PITPNC1: variants seen among roughly 807,000 people sequenced by gnomAD.
PITPNC1 encodes the protein phosphatidylinositol transfer protein cytoplasmic 1, also known as cytoplasmic phosphatidylinositol transfer protein 1.
In PITPNC1, 18 loss-of-function variants were observed where a neutral mutation model predicts 44.7. The observed-to-expected ratio is 0.40, with a 90% confidence interval of 0.28 to 0.60. The LOEUF is 0.60. Ranked by LOEUF, PITPNC1 falls within the 20% of genes least tolerant of loss-of-function variation. The pLI is 0.39. For missense variants in PITPNC1, 290 were observed against 418.4 expected (o/e 0.69, Z 2.68); for synonymous variants, 141 against 149.6 (o/e 0.94, Z 0.42).
rs138732012 is a variant in PITPNC1 at position 67,688,441 on chromosome 17, A to C, written c.683-4131A>C. On this transcript the variant is annotated intron_variant, in intron 8 of 8. Transcript: ENST00000581322. ...GAAGACCTTCTGATTGCACTTTGGAAATTTTTAGTTAAATTTTTGGAGCAT... is the reference window on the plus strand; with the variant it reads ...GAAGACCTTCTGATTGCACTTTGGACATTTTTAGTTAAATTTTTGGAGCAT... 1.8e-3 allele frequency among the ~76,000 whole-genome samples: 279 copies of C among 151,962 alleles called. 1 individual carries two copies. The highest frequency in any genetic ancestry group is 2.7e-3 in the Non-Finnish European group (184 of 67,982).
intron 1 of PITPNC1, among the ~76,000 whole-genome samples, chr17:67,436,908 GTTTTTTTTTTTTTTT>G (rs1044625193): frequency 4.4e-5 from 3 of 68,418 alleles, no homozygotes; most frequent in African/African-American, 1.7e-4. Context: ...AAATAGGGGT[GTTTTTTTTTTTTTTT>G]TTTTTTTTTT....
At chr17:67,554,823 C>T (rs542140737) in intron 4 of PITPNC1, among the ~76,000 whole-genome samples, 1 of 152,216 alleles carries the variant, frequency 6.6e-6, no homozygotes, top group Non-Finnish European at 1.5e-5. Flanking sequence ...CCACTCACTG[C>T]CAGAATTCCT....
intron 5 of PITPNC1, among the ~76,000 whole-genome samples, chr17:67,619,910 A>C (rs935133690): frequency 6.6e-6 from 1 of 152,094 alleles, no homozygotes; most frequent in Non-Finnish European, 1.5e-5. Flanking sequence ...CCATGTCCTC[A>C]TGAACTCACC....
At chr17:67,648,813 CAGG>C (rs1436157792) in intron 6 of PITPNC1, among the ~76,000 whole-genome samples, 2 of 152,092 alleles carry the variant, frequency 1.3e-5, no homozygotes, top group Non-Finnish European at 2.9e-5. Flanking sequence ...TCCCATGTGA[CAGG>C]AGTAGTATTC....
intron 4 of PITPNC1, among the ~76,000 whole-genome samples, chr17:67,564,921 C>G (rs974753745): frequency 1.1e-4 from 16 of 151,862 alleles, no homozygotes; most frequent in African/African-American, 3.1e-4. Context: ...GAATATTTTC[C>G]CATGTTTTTC....
In PITPNC1 at chr17:67,692,636, C is replaced by A. The variant is rs759738905; in HGVS notation, c.747C>A (p.Ile249=). Residue 249 remains isoleucine (I), a synonymous_variant, in exon 9 of 9, where the codon ATC becomes ATA. Transcript: ENST00000581322. ...CTCAGGAAGCCACCAACAAGAAAATCGGCATTTTCCCACCTGCAATTTCTA... is the reference window on the plus strand; with the variant it reads ...CTCAGGAAGCCACCAACAAGAAAATAGGCATTTTCCCACCTGCAATTTCTA... ...RATQEATNKK[I]GIFPPAISIS... is the part of the protein sequence containing the mutation. The A allele has an allele frequency of 1.9e-6, 3 of 1,613,724 alleles. No individual in the cohort carries two copies. The East Asian group carries it at 6.7e-5, about 36-fold the overall frequency.
chr17:67,485,870 A>G (rs1000929996), intron 1 of PITPNC1, among the ~76,000 whole-genome samples: 4 of 152,228 alleles, frequency 2.6e-5, no homozygotes, highest in African/African-American at 9.6e-5. Flanking sequence ...TAAATGCATT[A>G]GATTAGTCTG....
chr17:67,383,509 AGCCCCATTGGAACCTATTGGAAGGGTG>A (rs1049811201), intron 1 of PITPNC1, among the ~76,000 whole-genome samples: 2 of 152,138 alleles, frequency 1.3e-5, no homozygotes, highest in African/African-American at 2.4e-5. Flanking sequence ...CACATAGGGT[AGCCCCATTGGAACCTATTGGAAGGGTG>A]GCCCACCTCC....
intron 8 of PITPNC1, among the ~76,000 whole-genome samples, chr17:67,680,034 C>T (rs1190289868): frequency 6.6e-6 from 1 of 152,122 alleles, no homozygotes; most frequent in East Asian, 1.9e-4. Flanking sequence ...ACGACACTAC[C>T]TCATGAAAGT....
chr17:67,395,386 C>G (rs2143808954), intron 1 of PITPNC1, among the ~76,000 whole-genome samples: 1 of 152,158 alleles, frequency 6.6e-6, no homozygotes, highest in South Asian at 2.1e-4. Flanking sequence ...TAGCCTCAAG[C>G]AATCCTCCTG....
intron 1 of PITPNC1, among the ~76,000 whole-genome samples, chr17:67,448,343 G>C (rs1232005288): frequency 2.6e-5 from 4 of 152,270 alleles, no homozygotes; most frequent in Non-Finnish European, 5.9e-5. Context: ...GTGTCACTGA[G>C]TGTGTGGATG....
At chr17:67,594,994 G>A (rs919248568) in intron 5 of PITPNC1, among the ~76,000 whole-genome samples, 1 of 152,046 alleles carries the variant, frequency 6.6e-6, no homozygotes, top group Non-Finnish European at 1.5e-5. Context: ...CAAATGAAAC[G>A]CATATTAGAG....
intron 1 of PITPNC1, among the ~76,000 whole-genome samples, chr17:67,480,323 CT>C (rs1317995571): frequency 3.3e-5 from 5 of 152,080 alleles, no homozygotes; most frequent in African/African-American, 1.2e-4. Context: ...GAGGGAACAT[CT>C]TTGTTTGCAG....
At chr17:67,690,380 G>A (rs1014300074) in intron 8 of PITPNC1, among the ~76,000 whole-genome samples, 7 of 149,634 alleles carry the variant, frequency 4.7e-5, no homozygotes, top group African/African-American at 1.2e-4. Flanking sequence ...CCCCGGAGGC[G>A]GAAGTTGCAG....
At chr17:67,535,514 T>C (rs1426555979) in intron 2 of PITPNC1, among the ~76,000 whole-genome samples, 2 of 152,228 alleles carry the variant, frequency 1.3e-5, no homozygotes, top group Non-Finnish European at 2.9e-5. Context: ...TGAAACACAA[T>C]AAGAGGCATC....
At chr17:67,616,991 A>G (rs1332989783) in intron 5 of PITPNC1, among the ~76,000 whole-genome samples, 4 of 152,216 alleles carry the variant, frequency 2.6e-5, no homozygotes, top group Non-Finnish European at 5.9e-5. Context: ...AAAAAAGGAC[A>G]AATGTCCACC....
intron 2 of PITPNC1, among the ~76,000 whole-genome samples, chr17:67,550,653 G>C (rs976954169): frequency 1.3e-5 from 2 of 151,976 alleles, no homozygotes; most frequent in Non-Finnish European, 2.9e-5. Context: ...TCCTGGATCC[G>C]ATCGACTGCT....
chr17:67,680,954 G>A (rs569179323), intron 8 of PITPNC1, among the ~76,000 whole-genome samples: 7 of 152,242 alleles, frequency 4.6e-5, no homozygotes, highest in African/African-American at 1.4e-4. Context: ...GAAAGTGAAC[G>A]GAAATGTTTG....
At chr17:67,435,197 C>T (rs1477591494) in intron 1 of PITPNC1, among the ~76,000 whole-genome samples, 5 of 151,652 alleles carry the variant, frequency 3.3e-5, no homozygotes, top group Admixed American at 1.3e-4. Flanking sequence ...GGGCAAATTA[C>T]GCAACCTCAG....
Sources: gnomAD v4.1 joint callset for allele counts (sites outside exome capture counted in the v4.1 genomes callset) on GRCh38, gnomAD v4.1.1 for gene constraint, MANE v1.5 for transcripts, NCBI Gene and HGNC (gene_info 2026-07-23, HGNC 2026-07-21) for gene names.